CEP192: variants seen among roughly 807,000 people sequenced by gnomAD.
CEP192 encodes the protein centrosomal protein 192.
Under a neutral mutation model 271.8 loss-of-function variants are expected in CEP192, and 151 were observed. That is an observed-to-expected ratio of 0.56 (90% confidence interval 0.49 to 0.64). CEP192 has a LOEUF of 0.64. Ranked by LOEUF, CEP192 falls within the 30% of genes least tolerant of loss-of-function variation. The pLI is 0.00. For synonymous variants in CEP192, 995 were observed against 1,076.5 expected (o/e 0.92, Z 1.48); for missense variants, 2,910 against 3,020.5 (o/e 0.96, Z 0.86).
At chr18:13,036,396 G>A (rs1261962177) in intron 11 of CEP192, among the ~76,000 whole-genome samples, 1 of 152,158 alleles carries the variant, frequency 6.6e-6, no homozygotes, top group Admixed American at 6.5e-5. Flanking sequence ...GGGAGCCTCC[G>A]TCATGTTTGG....
intron 11 of CEP192, 150 bp downstream of exon 11, chr18:13,030,758 G>C: frequency 1.7e-6 from 1 of 604,048 alleles, no homozygotes; most frequent in Non-Finnish European, 2.8e-6. Flanking sequence ...AGGACCCAAG[G>C]TTTTAGTTAG....
intron 17 of CEP192, among the ~76,000 whole-genome samples, chr18:13,052,230 C>T (rs915283741): frequency 3.9e-5 from 6 of 152,250 alleles, no homozygotes; most frequent in Non-Finnish European, 8.8e-5. Flanking sequence ...TTTCATTTTA[C>T]GTTGTGTAGC....
At chr18:12,996,540 T>C (rs1322871450) in intron 1 of CEP192, among the ~76,000 whole-genome samples, 2 of 152,142 alleles carry the variant, frequency 1.3e-5, no homozygotes, top group Non-Finnish European at 2.9e-5. Flanking sequence ...TTTTACGTGA[T>C]ATTTTAAGCT....
chr18:13,034,563 T>G (rs1473823284), intron 11 of CEP192, among the ~76,000 whole-genome samples: 2 of 152,088 alleles, frequency 1.3e-5, no homozygotes, highest in Admixed American at 6.5e-5. Flanking sequence ...ATCCCAGCAC[T>G]TTGGGAGGCC....
At chr18:13,008,701 GA>G (rs142462030) in intron 4 of CEP192, 70 bp downstream of exon 4, 9 of 1,182,184 alleles carry the variant, frequency 7.6e-6, no homozygotes, top group Non-Finnish European at 1.0e-5. Context: ...CTTATCTTTG[GA>G]TTTTTTTTTT....
At chr18:13,021,734 A>G (rs1225810702) in intron 9 of CEP192, among the ~76,000 whole-genome samples, 1 of 152,194 alleles carries the variant, frequency 6.6e-6, no homozygotes, top group East Asian at 1.9e-4. Context: ...CTTCATATTC[A>G]TGAAGACACA....
intron 39 of CEP192, 60 bp downstream of exon 39, chr18:13,103,648 C>A: frequency 1.6e-6 from 2 of 1,271,540 alleles, no homozygotes; most frequent in South Asian, 2.4e-5. Context: ...CCAGGATGTT[C>A]TAAAAACTGA....
At chr18:13,086,944 C>T in intron 30 of CEP192, 73 bp from the exon 31 acceptor site, 1 of 1,055,926 alleles carries the variant, frequency 9.5e-7, no homozygotes, top group Non-Finnish European at 1.4e-6. Flanking sequence ...TCTGAATTTT[C>T]TTCTCACTGT....
intron 15 of CEP192, among the ~76,000 whole-genome samples, chr18:13,048,315 T>G (rs982586196): frequency 2.6e-5 from 4 of 152,216 alleles, no homozygotes; most frequent in African/African-American, 9.6e-5. Context: ...CTTCACTTGT[T>G]GCCCGTTAGT....
intron 11 of CEP192, among the ~76,000 whole-genome samples, chr18:13,032,930 ACT>A (rs148250680): frequency 0.035 from 5,265 of 152,058 alleles, 103 homozygotes; most frequent in Middle Eastern, 0.11. Flanking sequence ...AAGAACACAC[ACT>A]CTATAGTTCT....
At position 13,066,844 on chromosome 18, in the gene CEP192, C is replaced by T. The variant is rs545886552; in HGVS notation, c.4489-987C>T. Reference sequence around the variant, plus strand: ...CATATTAAAGCTCTACCACCTTGAGCGCAAGTCTGGAACCCAGACCTTTCT... The same window carrying T: ...CATATTAAAGCTCTACCACCTTGAGTGCAAGTCTGGAACCCAGACCTTTCT... On this transcript the variant is annotated intron_variant, in intron 21 of 44. Transcript: ENST00000506447. Among the ~76,000 whole-genome samples, 7 of 152,290 alleles carry T rather than the reference C, an allele frequency of 4.6e-5. No individual in the cohort carries two copies. The East Asian group carries it at 1.2e-3, about 25-fold the overall frequency.
At position 13,049,105 on chromosome 18, in the gene CEP192, A is replaced by G; in HGVS notation, c.2314A>G (p.Lys772Glu). The G allele has an allele frequency of 6.2e-7, 1 of 1,614,116 alleles. No individual in the cohort carries two copies. The highest frequency in any genetic ancestry group is 8.5e-7 in the Non-Finnish European group (1 of 1,179,974). The change falls in exon 16 of 45, where the codon AAA (lysine) becomes GAA (glutamate). Residue 772 changes from lysine (K) to glutamate (E), a missense_variant. Coordinates refer to ENST00000506447, the MANE Select transcript of CEP192 (RefSeq NM_032142.4). Reference protein sequence around the residue: ...VRHFLPNDLEKSNGSNALDME... With the variant: ...VRHFLPNDLEESNGSNALDME... ...TCATTTCTTACCTAATGATTTAGAA[A>G]AAAGTAATGGATCCAATGCACTTGA...
At chr18:13,104,380 T>G (rs1372021157) in intron 39 of CEP192, among the ~76,000 whole-genome samples, 1 of 152,126 alleles carries the variant, frequency 6.6e-6, no homozygotes, top group Non-Finnish European at 1.5e-5. Context: ...ATTGGTGGTG[T>G]TTAGAACACT....
chr18:13,016,587 G>A (rs2034659679), intron 6 of CEP192, among the ~76,000 whole-genome samples: 1 of 152,156 alleles, frequency 6.6e-6, no homozygotes, highest in African/African-American at 2.4e-5. Context: ...TTAGTATGCT[G>A]GATTCTTGTA....
intron 40 of CEP192, among the ~76,000 whole-genome samples, chr18:13,113,187 G>A (rs375523155): frequency 5.3e-5 from 8 of 152,266 alleles, no homozygotes; most frequent in East Asian, 1.9e-4. Flanking sequence ...GCTCCTGGCC[G>A]CTGTGAGGCC....
intron 21 of CEP192, among the ~76,000 whole-genome samples, chr18:13,063,389 T>C (rs1311930338): frequency 2.0e-5 from 3 of 152,210 alleles, no homozygotes; most frequent in Non-Finnish European, 2.9e-5. Context: ...TTATTGCCCG[T>C]CTTTTGGATA....
chr18:13,044,416 A>C (rs2036369783), intron 15 of CEP192, among the ~76,000 whole-genome samples: 2 of 143,500 alleles, frequency 1.4e-5, no homozygotes, highest in Admixed American at 6.9e-5. Context: ...TGCATGGTGT[A>C]AGGTTTTTGT....
chr18:13,070,979 G>A, intron 27 of CEP192, 60 bp from the exon 28 acceptor site: 1 of 1,392,910 alleles, frequency 7.2e-7, no homozygotes, highest in Non-Finnish European at 1.0e-6. Flanking sequence ...AAACATATAG[G>A]AAATAGTTGC....
intron 28 of CEP192, among the ~76,000 whole-genome samples, chr18:13,072,132 A>G (rs1459742789): frequency 6.6e-6 from 1 of 152,152 alleles, no homozygotes; most frequent in East Asian, 1.9e-4. Flanking sequence ...CTGCTGATTT[A>G]TTAGCTGCTG....
Sources: allele counts gnomAD v4.1 joint callset (sites outside exome capture counted in the v4.1 genomes callset), GRCh38; gene constraint gnomAD v4.1.1; transcripts MANE v1.5; gene names NCBI Gene and HGNC (gene_info 2026-07-23, HGNC 2026-07-21).